The following BCAS1 variants were observed in gnomAD, a reference collection of about 807,000 sequenced individuals.
BCAS1 encodes breast carcinoma-amplified sequence 1.
Under a neutral mutation model 65.4 loss-of-function variants are expected in BCAS1, and 46 were observed. The observed-to-expected ratio is 0.70, with a 90% CI of 0.55 to 0.90. The LOEUF (loss-of-function observed/expected upper bound fraction) is 0.90. BCAS1 is among the 40% of genes least tolerant of loss of function. The pLI, the probability that BCAS1 is intolerant of heterozygous loss-of-function variation, is 0.00. For missense variants in BCAS1, 793 were observed against 771.2 expected (o/e 1.03, Z -0.33); for synonymous variants, 298 against 293.5 (o/e 1.02, Z -0.16).
At chr20:54,000,738 A>ATT (rs34949980) in intron 4 of BCAS1, among the ~76,000 whole-genome samples, 3 of 151,274 alleles carry the variant, frequency 2.0e-5, no homozygotes, top group Non-Finnish European at 2.9e-5. Flanking sequence ...TAAATTCACA[A>ATT]TTTTTTTTTC....
At position 54,056,259 on chromosome 20, in the gene BCAS1, T is replaced by C. The variant is rs189719633; in HGVS notation, c.142+1826A>G. Among the ~76,000 whole-genome samples, 105 of 152,084 alleles carry C rather than the reference T, an allele frequency of 6.9e-4. 5 individuals carry two copies. The East Asian group carries it at 0.014, about 20-fold the overall frequency. ...CACATACACACACACACACACACCA[T>C]GGAATACTACTCAACCATAAAAATA... On this transcript the variant is annotated intron_variant, in intron 3 of 12. Transcript: ENST00000688948.
At position 53,945,077 on chromosome 20, in the gene BCAS1, A is replaced by G. The variant is rs2089268277; in HGVS notation, c.1816-81T>C. The G allele has an allele frequency of 9.2e-6, 11 of 1,190,234 alleles. No individual in the cohort carries two copies. In the East Asian group the frequency reaches 2.6e-4, roughly 28 times the overall value. The allele number at this position is 1,190,234 out of a possible 1,614,324, so 73.7% of individuals were successfully genotyped here. On this transcript the variant is annotated intron_variant, in intron 12 of 12. Coordinates refer to ENST00000688948, the MANE Select transcript of BCAS1 (RefSeq NM_001366298.2). ...AACAATGGCCATTTATGTAGCACTT[A>G]CTCTGTGCTAGGTGTTGGGCTAAAT...
intron 4 of BCAS1, among the ~76,000 whole-genome samples, chr20:54,014,830 C>G (rs1053943171): frequency 5.9e-5 from 9 of 152,182 alleles, no homozygotes; most frequent in African/African-American, 2.2e-4. Context: ...TCTGGACAAT[C>G]ACGAAGTCTT....
intron 3 of BCAS1, among the ~76,000 whole-genome samples, chr20:54,033,217 A>ATCTAACCT (rs758499565): frequency 4.0e-5 from 6 of 151,070 alleles, no homozygotes; most frequent in Non-Finnish European, 8.9e-5. Flanking sequence ...CACGTTAACA[A>ATCTAACCT]TCTAACCTCA....
chr20:54,011,535 C>T (rs193158028), intron 4 of BCAS1, among the ~76,000 whole-genome samples: 209 of 152,186 alleles, frequency 1.4e-3, no homozygotes, highest in Middle Eastern at 6.8e-3. Context: ...AAAACCATAA[C>T]GAGACATCAC....
chr20:53,953,058 A>G (rs1487170701), intron 12 of BCAS1, among the ~76,000 whole-genome samples: 1 of 152,232 alleles, frequency 6.6e-6, no homozygotes, highest in African/African-American at 2.4e-5. Flanking sequence ...GACACTGAAC[A>G]AAACTGATGA....
At chr20:53,966,876 G>C (rs35940228) in intron 10 of BCAS1, 30 bp downstream of exon 10, 6 of 1,571,946 alleles carry the variant, frequency 3.8e-6, no homozygotes, top group Non-Finnish European at 5.2e-6. Flanking sequence ...AGGTATCTTA[G>C]GTTTCCTATA....
chr20:53,957,598 G>C (rs1360129412), intron 10 of BCAS1, 101 bp from the exon 11 acceptor site: 1 of 1,149,430 alleles, frequency 8.7e-7, no homozygotes, highest in Non-Finnish European at 1.3e-6. Flanking sequence ...TATCATTGAG[G>C]TTTGGGGTCA....
intron 9 of BCAS1, among the ~76,000 whole-genome samples, chr20:53,974,178 C>A (rs1281829254): frequency 6.6e-6 from 1 of 152,072 alleles, no homozygotes; most frequent in Non-Finnish European, 1.5e-5. Flanking sequence ...AGGATGTGGG[C>A]GGGGTCAAAT....
At chr20:53,986,942 TC>T (rs1374517425) in intron 7 of BCAS1, among the ~76,000 whole-genome samples, 1 of 152,146 alleles carries the variant, frequency 6.6e-6, no homozygotes, top group Non-Finnish European at 1.5e-5. Context: ...TATTTTTTGA[TC>T]CTGGAAAGAG....
intron 3 of BCAS1, among the ~76,000 whole-genome samples, chr20:54,056,575 A>C (rs1033485662): frequency 6.6e-6 from 1 of 152,188 alleles, no homozygotes; most frequent in Non-Finnish European, 1.5e-5. Context: ...CATGTAACCA[A>C]AAACCACTTG....
chr20:54,025,463 C>T (rs1445977737), intron 4 of BCAS1, among the ~76,000 whole-genome samples: 1 of 152,042 alleles, frequency 6.6e-6, no homozygotes, highest in East Asian at 1.9e-4. Flanking sequence ...GAATTCTTGC[C>T]TTGTTTTAAT....
chr20:53,995,420 G>C (rs1212225789), intron 5 of BCAS1, among the ~76,000 whole-genome samples: 1 of 151,020 alleles, frequency 6.6e-6, no homozygotes, highest in East Asian at 1.9e-4. Context: ...TTTGAGGTTA[G>C]TCTTGATATT....
chr20:53,961,548 T>A (rs2089878182), intron 10 of BCAS1, among the ~76,000 whole-genome samples: 1 of 152,244 alleles, frequency 6.6e-6, no homozygotes. Context: ...AAGCTTTAAG[T>A]AAGCCATATA....
At chr20:53,963,706 T>G (rs2089951271) in intron 10 of BCAS1, among the ~76,000 whole-genome samples, 1 of 152,204 alleles carries the variant, frequency 6.6e-6, no homozygotes, top group Non-Finnish European at 1.5e-5. Flanking sequence ...ATGGGCCAGA[T>G]GTTGTCTCTA....
intron 3 of BCAS1, among the ~76,000 whole-genome samples, chr20:54,038,371 C>T (rs1255689089): frequency 6.6e-6 from 1 of 151,260 alleles, no homozygotes; most frequent in Non-Finnish European, 1.5e-5. Flanking sequence ...GTTTCCTCTC[C>T]ACGACCTGTA....
At chr20:54,050,795 T>C (rs2092198695) in intron 3 of BCAS1, among the ~76,000 whole-genome samples, 1 of 152,196 alleles carries the variant, frequency 6.6e-6, no homozygotes, top group African/African-American at 2.4e-5. Context: ...CTTGAGAACA[T>C]ATGTGCCTTT....
chr20:54,068,704 G>T (rs952939943), intron 1 of BCAS1, among the ~76,000 whole-genome samples: 2 of 152,122 alleles, frequency 1.3e-5, no homozygotes, highest in African/African-American at 4.8e-5. Context: ...GAAAGCTACG[G>T]GGAGGCACAC....
chr20:54,049,805 A>G (rs2092178678), intron 3 of BCAS1, among the ~76,000 whole-genome samples: 1 of 152,148 alleles, frequency 6.6e-6, no homozygotes, highest in Non-Finnish European at 1.5e-5. Context: ...AGTTCATACT[A>G]TTATTCCAGT....
Sources: gnomAD v4.1 joint callset for allele counts (sites outside exome capture counted in the v4.1 genomes callset) on GRCh38, gnomAD v4.1.1 for gene constraint, MANE v1.5 for transcripts, NCBI Gene and HGNC (gene_info 2026-07-23, HGNC 2026-07-21) for gene names.